The following NSUN3 variants were observed in gnomAD, a reference collection of about 807,000 sequenced individuals.
NSUN3 encodes the protein tRNA (cytosine(34)-C(5))-methyltransferase, mitochondrial.
Under a neutral mutation model 36.8 loss-of-function variants are expected in NSUN3, and 24 were observed. The observed-to-expected ratio is 0.65, with a 90% CI of 0.47 to 0.92. NSUN3 has a LOEUF of 0.92. Ranked by LOEUF, NSUN3 falls within the 40% of genes least tolerant of loss-of-function variation. NSUN3 has a pLI of 0.00. For missense variants in NSUN3, 381 were observed against 392.8 expected (o/e 0.97, Z 0.25); for synonymous variants, 146 against 145.2 (o/e 1.01, Z -0.04).
intron 3 of NSUN3, among the ~76,000 whole-genome samples, chr3:94,091,115 C>T (rs1461527520): frequency 6.9e-6 from 1 of 145,230 alleles, no homozygotes; most frequent in African/African-American, 2.9e-5. Flanking sequence ...TCAATTCTTG[C>T]CTCCTCAGAA....
At chr3:94,089,096 T>G (rs1179893297) in intron 3 of NSUN3, among the ~76,000 whole-genome samples, 1 of 152,244 alleles carries the variant, frequency 6.6e-6, no homozygotes, top group Non-Finnish European at 1.5e-5. Flanking sequence ...CAACAACATT[T>G]TAACAAATTA....
rs2077490166 is a variant in NSUN3, at chr3:94,127,042, T to C, written c.*552T>C. On this transcript the variant is annotated 3_prime_UTR_variant, in exon 6 of 6. Coordinates refer to ENST00000314622, the MANE Select transcript of NSUN3 (RefSeq NM_022072.5). ...ATGTTGTTTTCTGTTAAAGACTATA[T>C]TATGTTTACTGCAAAGGTCAGTGAC... 6.6e-6 allele frequency: 1 copy of C among 152,598 alleles called. No individual in the cohort carries two copies. The highest frequency in any genetic ancestry group is 2.1e-4 in the South Asian group (1 of 4,830). 9.5% of individuals were successfully genotyped at this position (152,598 alleles called of 1,614,324 possible). A position where few individuals can be genotyped will look rare whatever the true frequency, so the allele number is the denominator to read the frequency against.
chr3:94,094,024 C>T (rs1444255075), intron 3 of NSUN3, 116 bp from the exon 4 acceptor site: 2 of 707,524 alleles, frequency 2.8e-6, no homozygotes, highest in African/African-American at 1.8e-5. Context: ...TACCTCTGAG[C>T]CCTATTTCTG....
At chr3:94,117,369 A>T (rs181732729) in intron 5 of NSUN3, among the ~76,000 whole-genome samples, 215 of 152,188 alleles carry the variant, frequency 1.4e-3, no homozygotes, top group Middle Eastern at 6.8e-3. Context: ...TATGAGATAG[A>T]CCTGAAGTAC....
intron 2 of NSUN3, among the ~76,000 whole-genome samples, chr3:94,078,114 G>T (rs1009407404): frequency 6.6e-6 from 1 of 152,044 alleles, no homozygotes; most frequent in Non-Finnish European, 1.5e-5. Context: ...GCTTTAAATG[G>T]GTCCCAGAGA....
intron 2 of NSUN3, chr3:94,076,644 T>C (rs1274775992): frequency 3.9e-6 from 4 of 1,031,816 alleles, no homozygotes; most frequent in African/African-American, 1.6e-5. Context: ...TAGCCTTTTT[T>C]CTGATGTCCA....
chr3:94,063,247 C>T, intron 1 of NSUN3, 109 bp downstream of exon 1: 1 of 1,098,464 alleles, frequency 9.1e-7, no homozygotes, highest in Non-Finnish European at 1.4e-6. Context: ...CTTTGTTCGT[C>T]CCCTCGCGAG....
At chr3:94,063,708 C>G (rs936442487) in intron 1 of NSUN3, 1 of 152,662 alleles carries the variant, frequency 6.6e-6, no homozygotes, top group South Asian at 2.0e-4. Context: ...ACCTTGAACT[C>G]CTGGGTTCAA....
At chr3:94,086,273 T>C (rs1055842113) in intron 3 of NSUN3, among the ~76,000 whole-genome samples, 1 of 152,214 alleles carries the variant, frequency 6.6e-6, no homozygotes, top group Non-Finnish European at 1.5e-5. Context: ...TGTGTTGAAC[T>C]GCCCTTGTTT....
At chr3:94,126,189 G>A (rs536376076) in intron 5 of NSUN3, 22 bp from the exon 6 acceptor site, 1 of 1,586,506 alleles carries the variant, frequency 6.3e-7, no homozygotes, top group Middle Eastern at 1.7e-4. Flanking sequence ...CTAATCTTTT[G>A]CATTTTTCTG....
At chr3:94,099,765 C>T (rs560419251) in intron 5 of NSUN3, among the ~76,000 whole-genome samples, 2 of 150,238 alleles carry the variant, frequency 1.3e-5, no homozygotes, top group Admixed American at 1.3e-4. Context: ...ATACCAGACA[C>T]AATCTCTCTC....
chr3:94,119,588 T>TA (rs139436295), intron 5 of NSUN3, among the ~76,000 whole-genome samples: 12,127 of 152,248 alleles, frequency 0.08, 598 homozygotes, highest in Middle Eastern at 0.17. Flanking sequence ...CACAGACTGG[T>TA]ACTGGTCTGT....
In NSUN3 at chr3:94,131,129, G is replaced by A. The variant is rs184585095; in HGVS notation, c.*4639G>A. 2.4e-3 allele frequency among the ~76,000 whole-genome samples: 372 copies of A among 151,902 alleles called. No individual in the cohort carries two copies. Among genetic ancestry groups the A allele is most frequent in the Non-Finnish European group, 4.4e-3 (297 of 67,950 alleles). On this transcript the variant is annotated 3_prime_UTR_variant, in exon 6 of 6. Transcript: ENST00000314622. The stretch of plus-strand genomic sequence containing the variant: ...TATTGTAGAGATGTGACCTCACCAG[G>A]CTGGTTTCAAACCCCTGGCCTCAAG...
intron 3 of NSUN3, among the ~76,000 whole-genome samples, chr3:94,093,104 T>TA (rs1240070080): frequency 1.3e-5 from 2 of 151,820 alleles, no homozygotes; most frequent in Non-Finnish European, 2.9e-5. Flanking sequence ...AGTGGGAGAT[T>TA]AAAATGGAAA....
intron 5 of NSUN3, among the ~76,000 whole-genome samples, chr3:94,101,772 T>C (rs1366144092): frequency 6.6e-6 from 1 of 152,210 alleles, no homozygotes; most frequent in Non-Finnish European, 1.5e-5. Context: ...GTTCATACTA[T>C]ATAATCAAAT....
intron 5 of NSUN3, among the ~76,000 whole-genome samples, chr3:94,113,414 A>C (rs965294187): frequency 6.6e-6 from 1 of 152,200 alleles, no homozygotes; most frequent in South Asian, 2.1e-4. Context: ...TCAGAACTTA[A>C]TTGAAAGATT....
At chr3:94,108,585 T>G (rs1187927003) in intron 5 of NSUN3, among the ~76,000 whole-genome samples, 1 of 152,188 alleles carries the variant, frequency 6.6e-6, no homozygotes, top group Non-Finnish European at 1.5e-5. Context: ...GGTCTTGATC[T>G]CTTGACCTTG....
At chr3:94,124,407 G>A (rs112674999) in intron 5 of NSUN3, among the ~76,000 whole-genome samples, 4,095 of 151,898 alleles carry the variant, frequency 0.027, 179 homozygotes, top group African/African-American at 0.085. Context: ...GATTACAGGC[G>A]TGAGCCACCG....
At chr3:94,063,390 CT>C (rs1207163937) in intron 1 of NSUN3, 1 of 510,916 alleles carries the variant, frequency 2.0e-6, no homozygotes, top group Admixed American at 3.2e-5. Context: ...GATTTGTTTT[CT>C]GTGTCACAGC....
Sources: allele counts gnomAD v4.1 joint callset (sites outside exome capture counted in the v4.1 genomes callset), GRCh38; gene constraint gnomAD v4.1.1; transcripts MANE v1.5; gene names NCBI Gene and HGNC (gene_info 2026-07-23, HGNC 2026-07-21).